PLXDC2: variants seen among roughly 807,000 people sequenced by gnomAD.
PLXDC2 encodes plexin domain-containing protein 2.
In PLXDC2, 40 loss-of-function variants were observed where a neutral mutation model predicts 68.9. That is an observed-to-expected ratio of 0.58 (90% confidence interval 0.45 to 0.76). The LOEUF (loss-of-function observed/expected upper bound fraction) is 0.76, where lower values mean the gene tolerates loss of function less well. PLXDC2 is among the 30% of genes least tolerant of loss of function. PLXDC2 has a pLI of 0.00. For missense variants in PLXDC2, 644 were observed against 661.9 expected (o/e 0.97, Z 0.30); for synonymous variants, 243 against 234.2 (o/e 1.04, Z -0.34).
chr10:20,089,239 G>A (rs1222406948), intron 4 of PLXDC2, among the ~76,000 whole-genome samples: 1 of 150,300 alleles, frequency 6.7e-6, no homozygotes, highest in Non-Finnish European at 1.5e-5. Flanking sequence ...AGAGATGTTA[G>A]CAAAGGCTTT....
intron 6 of PLXDC2, among the ~76,000 whole-genome samples, chr10:20,148,773 A>G (rs1834112031): frequency 6.6e-6 from 1 of 152,310 alleles, no homozygotes; most frequent in East Asian, 1.9e-4. Flanking sequence ...TCTTATGTTC[A>G]GCTGAGGGAT....
At chr10:19,903,709 T>A (rs1838197321) in intron 1 of PLXDC2, among the ~76,000 whole-genome samples, 3 of 151,788 alleles carry the variant, frequency 2.0e-5, no homozygotes, top group Admixed American at 1.3e-4. Flanking sequence ...TTATTTTTTT[T>A]TTTTTTCTGG....
intron 1 of PLXDC2, among the ~76,000 whole-genome samples, chr10:19,905,150 T>A (rs1833130837): frequency 6.6e-6 from 1 of 152,244 alleles, no homozygotes; most frequent in Non-Finnish European, 1.5e-5. Flanking sequence ...ATTGGTTCAC[T>A]GTAATTTTTT....
At chr10:20,075,620 C>CCAG (rs1376560905) in intron 4 of PLXDC2, among the ~76,000 whole-genome samples, 1 of 151,990 alleles carries the variant, frequency 6.6e-6, no homozygotes, top group African/African-American at 2.4e-5. Flanking sequence ...GGAAATTAAG[C>CCAG]CAGTAGGAGA....
intron 3 of PLXDC2, among the ~76,000 whole-genome samples, chr10:20,049,401 G>A (rs1334507428): frequency 6.6e-6 from 1 of 152,050 alleles, no homozygotes; most frequent in African/African-American, 2.4e-5. Flanking sequence ...ATCCAAATAG[G>A]TAGAGAGGAA....
chr10:19,831,053 G>C (rs1836681616), intron 1 of PLXDC2, among the ~76,000 whole-genome samples: 1 of 151,420 alleles, frequency 6.6e-6, no homozygotes, highest in Non-Finnish European at 1.5e-5. Context: ...CATAGTGCTT[G>C]GTATATAGAA....
At chr10:19,856,373 C>A (rs936054165) in intron 1 of PLXDC2, among the ~76,000 whole-genome samples, 3 of 124,362 alleles carry the variant, frequency 2.4e-5, no homozygotes, top group Non-Finnish European at 5.0e-5. Context: ...CAAACACACA[C>A]ACACAGACAC....
intron 4 of PLXDC2, among the ~76,000 whole-genome samples, chr10:20,106,353 T>C (rs1833490784): frequency 6.6e-6 from 1 of 152,200 alleles, no homozygotes; most frequent in Non-Finnish European, 1.5e-5. Context: ...GTTAGGGTCT[T>C]TGTCTCTGTC....
At chr10:20,142,506 A>G (rs1281505782) in intron 4 of PLXDC2, among the ~76,000 whole-genome samples, 1 of 152,130 alleles carries the variant, frequency 6.6e-6, no homozygotes, top group African/African-American at 2.4e-5. Context: ...AAAGTAAATA[A>G]ACCTAGTGTG....
At chr10:20,067,877 C>A (rs534279645) in intron 3 of PLXDC2, among the ~76,000 whole-genome samples, 11 of 152,064 alleles carry the variant, frequency 7.2e-5, no homozygotes, top group Non-Finnish European at 1.3e-4. Flanking sequence ...AGGAACTAGT[C>A]AAACTAAAAA....
chr10:20,056,253 G>C (rs80354982), intron 3 of PLXDC2, among the ~76,000 whole-genome samples: 2,062 of 152,228 alleles, frequency 0.014, 38 homozygotes, highest in African/African-American at 0.045. Context: ...TACCAAACTA[G>C]AGGTTAATCC....
rs1479240132 is a variant in PLXDC2 at position 20,189,445 on chromosome 10, A to G, written c.1061+12036A>G. ...TGTATAATAAAACCATCGATAAACA[A>G]AGGAACACACTTTTTAAAAGAAAGG... On this transcript the variant is annotated intron_variant, in intron 9 of 13. Coordinates refer to ENST00000377252, the MANE Select transcript of PLXDC2 (RefSeq NM_032812.9). Among the ~76,000 whole-genome samples the G allele has an allele frequency of 2.2e-5, 3 of 136,504 alleles. No individual in the cohort carries two copies. The East Asian group carries it at 6.9e-4, about 31-fold the overall frequency. The allele number at this position is 136,504 out of a possible 152,430, so 89.6% of individuals were successfully genotyped here.
intron 1 of PLXDC2, among the ~76,000 whole-genome samples, chr10:19,897,242 T>G (rs1485009097): frequency 6.6e-6 from 1 of 151,866 alleles, no homozygotes; most frequent in Non-Finnish European, 1.5e-5. Context: ...TTTTTTTGTT[T>G]TTTTTTGTTT....
In PLXDC2 at chr10:20,058,331, C is replaced by T. The variant is rs527856761; in HGVS notation, c.472-9839C>T. ...GTGGCAGCTTGAAGTAGTGTCAACA[C>T]ACATGGACTTGGAACTAGACTGCCT... On this transcript the variant is annotated intron_variant, in intron 3 of 13. Coordinates refer to ENST00000377252, the MANE Select transcript of PLXDC2 (RefSeq NM_032812.9). Among the ~76,000 whole-genome samples, 10 of 152,238 alleles carry T rather than the reference C, an allele frequency of 6.6e-5. No individual in the cohort carries two copies. The East Asian group carries it at 1.9e-3, about 29-fold the overall frequency.
At chr10:19,819,261 T>G (rs188466172) in intron 1 of PLXDC2, among the ~76,000 whole-genome samples, 1 of 152,236 alleles carries the variant, frequency 6.6e-6, no homozygotes, top group Non-Finnish European at 1.5e-5. Flanking sequence ...CATATATTGA[T>G]AGGATTGATT....
chr10:20,103,045 GT>G (rs1480817860), intron 4 of PLXDC2, among the ~76,000 whole-genome samples: 1 of 152,148 alleles, frequency 6.6e-6, no homozygotes, highest in African/African-American at 2.4e-5. Context: ...GCTAACAGGT[GT>G]CAAGAAGGCG....
chr10:20,052,753 A>G (rs914391397), intron 3 of PLXDC2, among the ~76,000 whole-genome samples: 6 of 151,834 alleles, frequency 4.0e-5, no homozygotes, highest in African/African-American at 1.4e-4. Context: ...AAAGAAAGAA[A>G]AAAAGAAAAG....
At chr10:20,057,556 C>T (rs778133774) in intron 3 of PLXDC2, among the ~76,000 whole-genome samples, 22 of 152,060 alleles carry the variant, frequency 1.4e-4, no homozygotes, top group Non-Finnish European at 2.8e-4. Flanking sequence ...GTATTCCCAT[C>T]GGAATTCCCA....
intron 2 of PLXDC2, among the ~76,000 whole-genome samples, chr10:20,045,145 C>G (rs1236522507): frequency 6.6e-6 from 1 of 152,212 alleles, no homozygotes; most frequent in Middle Eastern, 3.4e-3. Context: ...AATTTGTGTT[C>G]CATACCCAGA....
Sources: allele counts gnomAD v4.1 joint callset (sites outside exome capture counted in the v4.1 genomes callset), GRCh38; gene constraint gnomAD v4.1.1; transcripts MANE v1.5; gene names NCBI Gene and HGNC (gene_info 2026-07-23, HGNC 2026-07-21).